ROR1: variants seen among roughly 807,000 people sequenced by gnomAD.
ROR1 encodes ROR family WNT receptor 1.
ROR1 carries 19 observed loss-of-function variants against 78.8 expected under a neutral mutation model. The observed-to-expected ratio is 0.24, with a 90% CI of 0.17 to 0.35. ROR1 has a LOEUF of 0.35. ROR1 is among the 10% of genes least tolerant of loss of function. ROR1 has a pLI of 1.00. For missense variants in ROR1, 917 were observed against 1,177.8 expected (o/e 0.78, Z 3.24); for synonymous variants, 386 against 433.6 (o/e 0.89, Z 1.36).
chr1:63,902,905 G>C (rs1413170475), intron 1 of ROR1, among the ~76,000 whole-genome samples: 1 of 152,120 alleles, frequency 6.6e-6, no homozygotes, highest in Non-Finnish European at 1.5e-5. Flanking sequence ...GTAGTCCTAA[G>C]TTTGCTGATC....
In ROR1 at chr1:64,178,829, G is replaced by C; in HGVS notation, c.2788G>C (p.Glu930Gln). The C allele has an allele frequency of 6.2e-7, 1 of 1,613,438 alleles. No individual in the cohort carries two copies. Among genetic ancestry groups the C allele is most frequent in the Non-Finnish European group, 8.5e-7 (1 of 1,179,684 alleles). Residue 930 changes from glutamate to glutamine, a missense_variant, in exon 9 of 9, where the codon GAA becomes CAA. Around this residue, in one of 3 missense-constraint regions of ROR1, gnomAD observed 835 missense variants for 1,069.8 expected, o/e 0.78. Coordinates refer to ENST00000371079, the MANE Select transcript of ROR1 (RefSeq NM_005012.4). The surrounding 1 kb of genome is among the most constrained non-coding windows in gnomAD (Gnocchi z 4.3). ...LGDANIHGHT[E>Q]SMISAEL The stretch of plus-strand genomic sequence containing the variant: ...AGACGCCAATATTCATGGACACACC[G>C]AATCTATGATTTCTGCAGAACTGTA...
At chr1:63,829,400 T>C (rs767105635) in intron 1 of ROR1, among the ~76,000 whole-genome samples, 5 of 152,218 alleles carry the variant, frequency 3.3e-5, no homozygotes, top group Non-Finnish European at 7.3e-5. Flanking sequence ...GATAGTGTGA[T>C]AGGGAATGTG....
At chr1:63,952,990 T>A (rs1275574384) in intron 1 of ROR1, among the ~76,000 whole-genome samples, 1 of 152,098 alleles carries the variant, frequency 6.6e-6, no homozygotes, top group Non-Finnish European at 1.5e-5. Context: ...GGGATGGGGA[T>A]CAATGAAAAT....
At chr1:64,011,496 G>A (rs1226407938) in intron 2 of ROR1, among the ~76,000 whole-genome samples, 2 of 152,176 alleles carry the variant, frequency 1.3e-5, no homozygotes, top group Non-Finnish European at 2.9e-5. Flanking sequence ...GCATCAATGT[G>A]TGCTAAGAAA....
chr1:63,946,785 G>T (rs148685012), intron 1 of ROR1, among the ~76,000 whole-genome samples: 1 of 152,100 alleles, frequency 6.6e-6, no homozygotes, highest in Non-Finnish European at 1.5e-5. Flanking sequence ...CTTCCTCAAG[G>T]CATGTTGGAT....
chr1:64,033,034 G>A lies in ROR1; in HGVS notation c.164-16657G>A, dbSNP rs541489834. Among the ~76,000 whole-genome samples the A allele has an allele frequency of 2.0e-5, 3 of 152,206 alleles. No homozygotes were observed. In the East Asian group the frequency reaches 5.8e-4, roughly 29 times the overall value. On this transcript the variant is annotated intron_variant, in intron 2 of 8. Transcript: ENST00000371079. ...TTTGAGAAGATGAAAAAAGTTTTGG[G>A]ATGGATGGTGGTGATGGTTGCATAA... is the stretch of plus-strand genomic sequence containing the variant.
At chr1:63,995,450 C>T (rs1008082576) in intron 1 of ROR1, among the ~76,000 whole-genome samples, 3 of 152,204 alleles carry the variant, frequency 2.0e-5, no homozygotes, top group African/African-American at 4.8e-5. Flanking sequence ...CTCTAATAGG[C>T]AGTTCTCCGT....
intron 4 of ROR1, among the ~76,000 whole-genome samples, chr1:64,084,594 G>T (rs1271797245): frequency 1.4e-4 from 22 of 152,222 alleles, no homozygotes; most frequent in Non-Finnish European, 4.4e-5. Context: ...TTAGCCAGAA[G>T]TGGCTCTTTA....
intron 4 of ROR1, among the ~76,000 whole-genome samples, chr1:64,114,656 G>C (rs148964278): frequency 0.015 from 2,320 of 152,226 alleles, 79 homozygotes; most frequent in African/African-American, 0.053. Flanking sequence ...AACAAACCCG[G>C]CACATTGCCT....
At chr1:64,092,585 C>T (rs1021651587) in intron 4 of ROR1, among the ~76,000 whole-genome samples, 1 of 152,106 alleles carries the variant, frequency 6.6e-6, no homozygotes, top group Non-Finnish European at 1.5e-5. Flanking sequence ...GTCCCTCATT[C>T]CTACTTCAAC....
chr1:63,989,902 G>T (rs1646281597), intron 1 of ROR1, among the ~76,000 whole-genome samples: 1 of 152,176 alleles, frequency 6.6e-6, no homozygotes, highest in African/African-American at 2.4e-5. Context: ...CTTGGCCATG[G>T]CTTCCATCTC....
At chr1:63,938,614 T>C (rs1321151776) in intron 1 of ROR1, among the ~76,000 whole-genome samples, 1 of 152,218 alleles carries the variant, frequency 6.6e-6, no homozygotes, top group African/African-American at 2.4e-5. Context: ...GAAATCTCCG[T>C]GAAGCCCATG....
chr1:64,069,352 C>T (rs982631738), intron 4 of ROR1, among the ~76,000 whole-genome samples: 3 of 152,110 alleles, frequency 2.0e-5, no homozygotes, highest in Admixed American at 1.3e-4. Context: ...TTCGGAGAGA[C>T]TTTCCTTGCC....
chr1:64,179,024 G>GAAAA lies in ROR1; in HGVS notation c.*188_*191dup, dbSNP rs10709706. 4.7e-4 allele frequency: 74 copies of GAAAA among 157,782 alleles called. No homozygotes were observed. The highest frequency in any genetic ancestry group is 2.4e-3 in the Middle Eastern group (1 of 410). 9.8% of individuals were successfully genotyped at this position (157,782 alleles called of 1,614,324 possible). On this transcript the variant is annotated 3_prime_UTR_variant, in exon 9 of 9. Transcript: ENST00000371079. ...ACCAAGCAGGACAGACACTCGGCCAGAAAAAAAAAAAAAAAAAAAAAACAA... is the reference window on the plus strand; with the variant it reads ...ACCAAGCAGGACAGACACTCGGCCAGAAAAAAAAAAAAAAAAAAAAAAAAAACAA...
In ROR1 at chr1:64,178,800, T is replaced by C. The variant is rs765587751; in HGVS notation, c.2759T>C (p.Leu920Pro). 3 of 1,614,146 alleles carry C rather than the reference T, an allele frequency of 1.9e-6. No homozygotes were observed. In the Admixed American group the frequency reaches 5.0e-5, roughly 27 times the overall value. The change falls in exon 9 of 9, where the codon CTA becomes CCA. Residue 920 changes from leucine (L) to proline (P), a missense_variant. Transcript: ENST00000371079. The surrounding 1 kb of genome is among the most constrained non-coding windows in gnomAD (Gnocchi z 4.3). ...ATTGACTCAAAGCAAGCATCTTTACTAGGAGACGCCAATATTCATGGACAC... is the reference window on the plus strand; with the variant it reads ...ATTGACTCAAAGCAAGCATCTTTACCAGGAGACGCCAATATTCATGGACAC... ...YKIDSKQASLLGDANIHGHTE... is the reference protein window; with the variant it reads ...YKIDSKQASLPGDANIHGHTE...
intron 7 of ROR1, among the ~76,000 whole-genome samples, chr1:64,158,679 A>G (rs1649845007): frequency 6.6e-6 from 1 of 152,246 alleles, no homozygotes. Flanking sequence ...AAGGTGTTAG[A>G]GAAATGTAGG....
At chr1:64,099,958 G>C (rs745314434) in intron 4 of ROR1, among the ~76,000 whole-genome samples, 2 of 152,186 alleles carry the variant, frequency 1.3e-5, no homozygotes, top group Non-Finnish European at 2.9e-5. Context: ...AGGAGGCTGA[G>C]GCAGGAGAAT....
chr1:63,961,557 C>T (rs762733786), intron 1 of ROR1, among the ~76,000 whole-genome samples: 1 of 152,090 alleles, frequency 6.6e-6, no homozygotes, highest in Non-Finnish European at 1.5e-5. Flanking sequence ...GCCTGGAGGA[C>T]ATTATATTAA....
chr1:63,961,103 C>T (rs1311226256), intron 1 of ROR1, among the ~76,000 whole-genome samples: 1 of 151,902 alleles, frequency 6.6e-6, no homozygotes, highest in African/African-American at 2.4e-5. Flanking sequence ...TCCATTCATC[C>T]TTTCCTCCTT....
Sources: allele counts gnomAD v4.1 joint callset (sites outside exome capture counted in the v4.1 genomes callset), GRCh38; gene constraint gnomAD v4.1.1; regional missense constraint gnomAD v4.1.1; non-coding constraint Gnocchi (gnomAD v3.1); transcripts MANE v1.5; gene names NCBI Gene and HGNC (gene_info 2026-07-23, HGNC 2026-07-21).